The following LAMB4 variants were observed in gnomAD, a reference collection of about 807,000 sequenced individuals.
The protein encoded by LAMB4 is laminin subunit beta 4, also known as laminin subunit beta-4.
A neutral mutation model predicts 199.2 loss-of-function variants in LAMB4; 196 were observed. The observed-to-expected ratio is 0.98, with a 90% CI of 0.88 to 1.11. The LOEUF is 1.11. LAMB4 is among the 50% of genes least tolerant of loss of function. LAMB4 has a pLI of 0.00. For synonymous variants in LAMB4, 744 were observed against 770.6 expected, an observed-to-expected ratio of 0.97 and a Z score of 0.57; for missense variants, 2,080 against 2,171.2, an observed-to-expected ratio of 0.96 and a Z score of 0.83.
chr7:108,118,350 G>A (rs892672947), intron 2 of LAMB4, among the ~76,000 whole-genome samples: 7 of 151,976 alleles, frequency 4.6e-5, no homozygotes, highest in Admixed American at 6.6e-5. Context: ...AAATAAAGGC[G>A]AAGGAATAGC....
At chr7:108,015,329 C>T in the LAMB4 span, among the ~76,000 whole-genome samples, 3 of 152,294 alleles carry the variant, frequency 2.0e-5, no homozygotes, top group Middle Eastern at 3.4e-3. Flanking sequence ...TCCCATGGTA[C>T]GAATCTTAGG....
intron 33 of LAMB4, among the ~76,000 whole-genome samples, chr7:108,024,621 A>G (rs1250054191): frequency 1.3e-5 from 2 of 152,192 alleles, no homozygotes; most frequent in East Asian, 3.9e-4. Flanking sequence ...GTCCCTGAAC[A>G]GTAACAGCTA....
chr7:108,037,325 T>C lies in LAMB4; in HGVS notation c.4679+63A>G, dbSNP rs550614052. On this transcript the variant is annotated intron_variant, in intron 30 of 33. Transcript: ENST00000388781. The stretch of plus-strand genomic sequence containing the variant: ...GCTATAGATCCCTAGGCAAACATTT[T>C]CCTGATGTCCTTTCAGCAGATGGTC... 1.3e-3 allele frequency: 1,627 copies of C among 1,298,392 alleles called. 2 individuals are homozygous for C. Among genetic ancestry groups the C allele is most frequent in the Non-Finnish European group, 1.6e-3 (1,496 of 910,968 alleles). 80.4% of individuals were successfully genotyped at this position (1,298,392 alleles called of 1,614,324 possible). A position where few individuals can be genotyped will look rare whatever the true frequency, so the allele number is the denominator to read the frequency against.
In LAMB4 at chr7:108,126,554, C is replaced by CCTTTTTTTT. The variant is rs780962576; in HGVS notation, c.-33-3358_-33-3357insAAAAAAAAG. ...TTGTAGGATGTGTCAGAATTTCTTT[C>CCTTTTTTTT]TTTTTTTTTTTTTTTTTTTTTGAGA... On this transcript the variant is annotated intron_variant, in intron 1 of 33. Transcript: ENST00000388781. 1.6e-3 allele frequency among the ~76,000 whole-genome samples: 137 copies of CCTTTTTTTT among 83,534 alleles called. 7 individuals carry two copies. The highest frequency in any genetic ancestry group is 6.1e-3 in the African/African-American group (121 of 19,836). 54.8% of individuals were successfully genotyped at this position (83,534 alleles called of 152,430 possible).
Position 108,094,844 on chromosome 7 carries a change from G to A in LAMB4, c.1470+384C>T, listed in dbSNP as rs557614919. Among the ~76,000 whole-genome samples, 52 of 152,222 alleles carry A rather than the reference G, an allele frequency of 3.4e-4. No homozygotes were observed. In the South Asian group the frequency reaches 7.1e-3, roughly 21 times the overall value. ...CCTTATCCAAAACATTTTTAGGAAGGGAGTGGTAGGGATGATAAGGGGATT... is the reference window on the plus strand; with the variant it reads ...CCTTATCCAAAACATTTTTAGGAAGAGAGTGGTAGGGATGATAAGGGGATT... On this transcript the variant is annotated intron_variant, in intron 12 of 33. Coordinates refer to ENST00000388781, the MANE Select transcript of LAMB4 (RefSeq NM_007356.3).
In LAMB4 at chr7:108,034,355, A is replaced by ATCT; in HGVS notation, c.4680-10_4680-9insAGA. On this transcript the variant is annotated splice_polypyrimidine_tract_variant and intron_variant, in intron 30 of 33. Coordinates refer to ENST00000388781, the MANE Select transcript of LAMB4 (RefSeq NM_007356.3). Reference sequence around the variant, plus strand: ...GAATATTTGCTGCTTTCCTAAGGTAAGATATTAACATATCAGATTAGATAA... The same window carrying ATCT: ...GAATATTTGCTGCTTTCCTAAGGTAATCTGATATTAACATATCAGATTAGATAA... 6.3e-7 allele frequency: 1 copy of ATCT among 1,583,084 alleles called. No homozygotes were observed.
chr7:108,104,932 G>A lies in LAMB4; in HGVS notation c.871-313C>T, dbSNP rs547475871. On this transcript the variant is annotated intron_variant, in intron 8 of 33. Coordinates refer to ENST00000388781, the MANE Select transcript of LAMB4 (RefSeq NM_007356.3). Reference sequence around the variant, plus strand: ...ACAGGATGGCTAAGGGGTTTGTGGGGAGTTGGGGGGGAGTAGTATATAGGA... The same window carrying A: ...ACAGGATGGCTAAGGGGTTTGTGGGAAGTTGGGGGGGAGTAGTATATAGGA... Among the ~76,000 whole-genome samples, 6 of 152,126 alleles carry A rather than the reference G, an allele frequency of 3.9e-5. No individual in the cohort carries two copies. In the South Asian group the frequency reaches 1.2e-3, roughly 32 times the overall value.
At chr7:108,045,132 CT>C (rs201635016) in intron 28 of LAMB4, among the ~76,000 whole-genome samples, 15 of 146,244 alleles carry the variant, frequency 1.0e-4, no homozygotes, top group African/African-American at 3.3e-4. Context: ...AAATGTGTAT[CT>C]TTTTTTTCAG....
chr7:108,130,097 A>G (rs1420415979), intron 1 of LAMB4, among the ~76,000 whole-genome samples: 1 of 152,266 alleles, frequency 6.6e-6, no homozygotes, highest in East Asian at 1.9e-4. Context: ...ATGCACTAAC[A>G]TCAATTTTCC....
chr7:108,127,499 T>A (rs2038835527), intron 1 of LAMB4, among the ~76,000 whole-genome samples: 1 of 152,188 alleles, frequency 6.6e-6, no homozygotes, highest in South Asian at 2.1e-4. Context: ...AACCAATTCA[T>A]CCTAGTTTGC....
chr7:108,124,442 C>A (rs1313685782), intron 1 of LAMB4, among the ~76,000 whole-genome samples: 2 of 151,728 alleles, frequency 1.3e-5, no homozygotes, highest in Non-Finnish European at 2.9e-5. Flanking sequence ...TGCATATAAC[C>A]ATATATGTAT....
At chr7:108,123,609 G>A (rs911931801) in intron 1 of LAMB4, among the ~76,000 whole-genome samples, 1 of 152,188 alleles carries the variant, frequency 6.6e-6, no homozygotes, top group African/African-American at 2.4e-5. Flanking sequence ...ACCACCCGCA[G>A]TGGGCCATGA....
chr7:108,042,890 A>C (rs1203315568), intron 29 of LAMB4, among the ~76,000 whole-genome samples: 1 of 151,640 alleles, frequency 6.6e-6, no homozygotes, highest in East Asian at 1.9e-4. Flanking sequence ...AAAAATGGTT[A>C]TGGAAAATAA....
At chr7:108,058,059 C>T (rs1054698318) in intron 23 of LAMB4, 131 bp from the exon 24 acceptor site, 107 of 666,640 alleles carry the variant, frequency 1.6e-4, no homozygotes, top group Non-Finnish European at 2.4e-4. Flanking sequence ...AAGGATGATT[C>T]CCATGTCCAG....
At chr7:108,082,742 A>T (rs1226486314) in intron 14 of LAMB4, among the ~76,000 whole-genome samples, 3 of 152,198 alleles carry the variant, frequency 2.0e-5, no homozygotes, top group African/African-American at 7.2e-5. Context: ...ATCTTGTAAA[A>T]TGAGCCCCCT....
chr7:108,023,296 C>T (rs1732151), downstream of LAMB4, among the ~76,000 whole-genome samples: 30,714 of 152,096 alleles, frequency 0.2, 7,220 homozygotes, highest in African/African-American at 0.58. Context: ...AGAAATCATA[C>T]GTGCAAAAAT....
At chr7:108,046,636 G>A (rs920086669) in intron 28 of LAMB4, among the ~76,000 whole-genome samples, 7 of 151,864 alleles carry the variant, frequency 4.6e-5, no homozygotes, top group African/African-American at 1.7e-4. Context: ...ATTTATAAAT[G>A]ACCAGAAAAG....
At chr7:108,117,557 T>C (rs1028360477) in intron 2 of LAMB4, among the ~76,000 whole-genome samples, 1 of 152,176 alleles carries the variant, frequency 6.6e-6, no homozygotes, top group African/African-American at 2.4e-5. Flanking sequence ...CTACTTATGT[T>C]ACAGGAAAGG....
At chr7:108,129,817 C>T (rs1419641351) in intron 1 of LAMB4, among the ~76,000 whole-genome samples, 1 of 152,220 alleles carries the variant, frequency 6.6e-6, no homozygotes, top group African/African-American at 2.4e-5. Flanking sequence ...GCATGAGCCA[C>T]CATGCCCGGC....
Sources: allele counts gnomAD v4.1 joint callset (sites outside exome capture counted in the v4.1 genomes callset), GRCh38; gene constraint gnomAD v4.1.1; transcripts MANE v1.5; gene names NCBI Gene and HGNC (gene_info 2026-07-23, HGNC 2026-07-21).